The following CDC42BPG variants were observed in gnomAD, a reference collection of about 807,000 sequenced individuals.
CDC42BPG encodes the protein CDC42 binding protein kinase gamma, also known as serine/threonine-protein kinase MRCK gamma.
In CDC42BPG, 157 loss-of-function variants were observed where a neutral mutation model predicts 192.2. The ratio of observed to expected loss-of-function variants is 0.82; its 90% CI spans 0.72 to 0.93. The LOEUF is 0.93. Among genes scored for constraint, CDC42BPG ranks in the 40% least tolerant of loss-of-function variants. The pLI is 0.00. For synonymous variants in CDC42BPG, 981 were observed against 918.5 expected, an observed-to-expected ratio of 1.07 and a Z score of -1.23; for missense variants, 1,992 against 2,122.1, an observed-to-expected ratio of 0.94 and a Z score of 1.20.
chr11:64,826,382 T>C, intron 36 of CDC42BPG, 88 bp downstream of exon 36: 1 of 911,870 alleles, frequency 1.1e-6, no homozygotes, highest in Middle Eastern at 2.1e-4. Context: ...GCTTGTTCCC[T>C]AGCCTAGGTC....
At chr11:64,837,108 G>C in intron 9 of CDC42BPG, 89 bp from the exon 10 acceptor site, 1 of 1,169,534 alleles carries the variant, frequency 8.6e-7, no homozygotes, top group South Asian at 1.2e-5. Flanking sequence ...CTCATTAATT[G>C]TGAAACAGCC....
chr11:64,840,074 G>A (rs1350033966), intron 5 of CDC42BPG, 46 bp downstream of exon 5: 1 of 1,570,334 alleles, frequency 6.4e-7, no homozygotes, highest in Non-Finnish European at 8.7e-7. Flanking sequence ...GGCAGGGGTT[G>A]GGCAGGGCAG....
chr11:64,832,520 C>T lies in CDC42BPG; in HGVS notation c.3006-11G>A. 1 of 1,614,050 alleles carries T rather than the reference C, an allele frequency of 6.2e-7. No homozygotes were observed. On this transcript the variant is annotated splice_polypyrimidine_tract_variant and intron_variant, in intron 26 of 36. Coordinates refer to ENST00000342711, the MANE Select transcript of CDC42BPG (RefSeq NM_017525.3). The stretch of plus-strand genomic sequence containing the variant: ...GAGAACTGGGGGTCCCTGGGAGGTT[C>T]ACAGAACAGGTCAGAAATCTCCCTG...
At chr11:64,834,224 G>T in intron 20 of CDC42BPG, 42 bp downstream of exon 20, 1 of 1,526,822 alleles carries the variant, frequency 6.5e-7, no homozygotes. Flanking sequence ...GGGAGGCCGC[G>T]GGGGAGCCTG....
In CDC42BPG at chr11:64,827,770, G is replaced by A. The variant is rs55728369; in HGVS notation, c.3981C>T (p.Pro1327=). 1 of 1,610,598 alleles carries A rather than the reference G, an allele frequency of 6.2e-7. No homozygotes were observed. Among genetic ancestry groups the A allele is most frequent in the Non-Finnish European group, 8.5e-7 (1 of 1,178,164 alleles). Reference sequence around the variant, plus strand: ...AGTTCTCGCTGAACACTGTCAGGTAGGGGGCCGCATACCCTGCGGGCACGC... The same window carrying A: ...AGTTCTCGCTGAACACTGTCAGGTAAGGGGCCGCATACCCTGCGGGCACGC... The part of the protein sequence containing the change: ...AAPMGWGYAA[P]YLTVFSENSI... Residue 1327 remains proline (P), a synonymous_variant, in exon 31 of 37, where the codon CCC becomes CCT. Coordinates refer to ENST00000342711, the MANE Select transcript of CDC42BPG (RefSeq NM_017525.3).
chr11:64,832,877 C>T lies in CDC42BPG; in HGVS notation c.2814G>A (p.Leu938=). ...PVPPDLLRTA[L]GVHPETGTGT... is the part of the protein sequence containing the mutation. Reference sequence around the variant, plus strand: ...CTGTGCCTGTTTCGGGGTGTACTCCCAGGGCTGTGCGGAGGAGGTCAGGGG... The same window carrying T: ...CTGTGCCTGTTTCGGGGTGTACTCCTAGGGCTGTGCGGAGGAGGTCAGGGG... The change falls in exon 25 of 37, where the codon CTG becomes CTA. Residue 938 remains leucine (L), a synonymous_variant. Transcript: ENST00000342711. 3 of 1,561,412 alleles carry T rather than the reference C, an allele frequency of 1.9e-6. No homozygotes were observed. Among genetic ancestry groups the T allele is most frequent in the Admixed American group, 3.8e-5 (2 of 52,348 alleles).
intron 16 of CDC42BPG, 61 bp downstream of exon 16, chr11:64,835,286 C>T: frequency 4.3e-6 from 7 of 1,611,594 alleles, no homozygotes; most frequent in Non-Finnish European, 4.2e-6. Flanking sequence ...GCCCACCCCT[C>T]AACTGGCTCC....
At chr11:64,831,815 T>G in intron 27 of CDC42BPG, 94 bp from the exon 28 acceptor site, 1 of 1,110,272 alleles carries the variant, frequency 9.0e-7, no homozygotes, top group Non-Finnish European at 1.3e-6. Flanking sequence ...CCCGGGGGCC[T>G]AGCGTGCACT....
chr11:64,844,260 GGGGTCCGGTGGTACGCGTCA>G, intron 1 of CDC42BPG, 130 bp downstream of exon 1: 2 of 682,828 alleles, frequency 2.9e-6, no homozygotes, highest in Non-Finnish European at 4.3e-6. Context: ...GCGGGCCGCG[GGGGTCCGGTGGTACGCGTCA>G]GGGCCACTGC....
At position 64,827,296 on chromosome 11, in the gene CDC42BPG, T is replaced by A. The variant is rs752100797; in HGVS notation, c.4253A>T (p.Gln1418Leu). The A allele has an allele frequency of 2.5e-6, 4 of 1,613,940 alleles. No homozygotes were observed. Among genetic ancestry groups the A allele is most frequent in the Non-Finnish European group, 3.4e-6 (4 of 1,179,910 alleles). ...CGCGCACCTGCGCTGCTGCTTCTGC[T>A]GCTCCTCCGACACGCGGAAAAAGAA... The part of the protein sequence containing the change: ...RRFFFRVSEE[Q>L]QKQQRREMLK... The change falls in exon 33 of 37, where the codon CAG becomes CTG. Residue 1418 changes from glutamine (Q) to leucine (L), a missense_variant. Gln to Leu is a moderately radical substitution (Grantham distance 113, BLOSUM62 -2). Around this residue, in one of 2 missense-constraint regions of CDC42BPG, gnomAD observed 336 missense variants for 277.9 expected, o/e 1.21. Transcript: ENST00000342711.
chr11:64,839,932 C>T (rs1020055199), intron 5 of CDC42BPG, among the ~76,000 whole-genome samples, 188 bp downstream of exon 5: 8 of 152,138 alleles, frequency 5.3e-5, no homozygotes, highest in South Asian at 2.1e-4. Flanking sequence ...AGCTGCAGGC[C>T]GGACACAGCA....
chr11:64,827,246 C>T, intron 33 of CDC42BPG, 32 bp downstream of exon 33: 2 of 1,613,170 alleles, frequency 1.2e-6, no homozygotes, highest in Non-Finnish European at 8.5e-7. Context: ...GCGGCCCCAC[C>T]CAGCCTCAGC....
chr11:64,833,403 G>T, intron 23 of CDC42BPG, 67 bp from the exon 24 acceptor site: 1 of 1,024,860 alleles, frequency 9.8e-7, no homozygotes, highest in Non-Finnish European at 1.4e-6. Flanking sequence ...GAGGGGTCAG[G>T]AAAGACAAGG....
chr11:64,833,030 T>A, intron 24 of CDC42BPG, 71 bp from the exon 25 acceptor site: 3 of 1,469,522 alleles, frequency 2.0e-6, no homozygotes, highest in Non-Finnish European at 2.7e-6. Context: ...GACGGGGGCA[T>A]GTCCAGAGCC....
chr11:64,826,855 A>G lies in CDC42BPG; in HGVS notation c.4390-61T>C, dbSNP rs529702150. 3.2e-5 allele frequency: 47 copies of G among 1,451,340 alleles called. No homozygotes were observed. In the African/African-American group the frequency reaches 6.3e-4, roughly 19 times the overall value. The allele number at this position is 1,451,340 out of a possible 1,614,324, so 89.9% of individuals were successfully genotyped here. ...AGGCACAAGGAGGACAAGAGGCCCAAGGCACAACAGACCAGGACAAATGAA... is the reference window on the plus strand; with the variant it reads ...AGGCACAAGGAGGACAAGAGGCCCAGGGCACAACAGACCAGGACAAATGAA... On this transcript the variant is annotated intron_variant, in intron 34 of 36. Coordinates refer to ENST00000342711, the MANE Select transcript of CDC42BPG (RefSeq NM_017525.3).
At chr11:64,838,597 C>T (rs952716827) in intron 8 of CDC42BPG, 57 bp downstream of exon 8, 1 of 1,597,022 alleles carries the variant, frequency 6.3e-7, no homozygotes, top group Non-Finnish European at 8.5e-7. Flanking sequence ...GGGAGGGTTC[C>T]CCCAGCCAAC....
chr11:64,823,482 T>C lies in CDC42BPG; in HGVS notation c.*991A>G, dbSNP rs1942316987. On this transcript the variant is annotated 3_prime_UTR_variant, in exon 37 of 37. Coordinates refer to ENST00000342711, the MANE Select transcript of CDC42BPG (RefSeq NM_017525.3). ...TAAATACTTATTTTGCCCCCCACAC[T>C]TCAGTGGGGGGAGGTTTAATAAAAA... 1 of 152,082 alleles carries C rather than the reference T, an allele frequency of 6.6e-6. No homozygotes were observed. The highest frequency in any genetic ancestry group is 1.5e-5 in the Non-Finnish European group (1 of 68,002). 9.4% of individuals were successfully genotyped at this position (152,082 alleles called of 1,614,324 possible).
Position 64,834,930 on chromosome 11 carries a change from C to T in CDC42BPG, c.2094G>A (p.Leu698=), listed in dbSNP as rs1336834282. 2.5e-6 allele frequency: 4 copies of T among 1,614,038 alleles called. No homozygotes were observed. In the African/African-American group the frequency reaches 4.0e-5, roughly 16 times the overall value. ...VNDEKVSRGY[L]QALATKMAEE... is the part of the protein sequence containing the mutation. ...CTGCCATCTTGGTGGCCAGGGCCTG[C>T]AGGTAGCCTCTTGAGACCTTCTCAT... The change falls in exon 18 of 37, where the codon CTG becomes CTA. Residue 698 remains leucine, a synonymous_variant. Transcript: ENST00000342711.
Position 64,827,485 on chromosome 11 carries a change from GCACTGGGGAACGCACACACCCGTACA to G in CDC42BPG, c.4150+16_4150+41del. The G allele has an allele frequency of 1.2e-6, 2 of 1,604,392 alleles. No homozygotes were observed. Among genetic ancestry groups the G allele is most frequent in the Non-Finnish European group, 1.7e-6 (2 of 1,172,140 alleles). ...TTCAGGGCCACACAGCCACACGTGCGCACTGGGGAACGCACACACCCGTACACACGCACTCCCTCACCTGCCAGCTG... is the reference window on the plus strand; with the variant it reads ...TTCAGGGCCACACAGCCACACGTGCGCACGCACTCCCTCACCTGCCAGCTG... On this transcript the variant is annotated intron_variant, in intron 32 of 36. Transcript: ENST00000342711.
Sources: gnomAD v4.1 joint callset for allele counts (sites outside exome capture counted in the v4.1 genomes callset) on GRCh38, gnomAD v4.1.1 for gene constraint, gnomAD v4.1.1 regional missense constraint, MANE v1.5 for transcripts, NCBI Gene and HGNC (gene_info 2026-07-23, HGNC 2026-07-21) for gene names.